The following ASCC3 variants were observed in gnomAD, a reference collection of about 807,000 sequenced individuals.
The protein encoded by ASCC3 is ASC-1 complex subunit P200.
ASCC3 carries 158 observed loss-of-function variants against 256.3 expected under a neutral mutation model. That is an observed-to-expected ratio of 0.62 (90% CI 0.54 to 0.70). The LOEUF is 0.70. ASCC3 is among the 30% of genes least tolerant of loss of function. ASCC3 has a pLI of 0.00. For synonymous variants in ASCC3, 948 were observed against 883.4 expected, an observed-to-expected ratio of 1.07 and a Z score of -1.30; for missense variants, 2,259 against 2,626.0, an observed-to-expected ratio of 0.86 and a Z score of 3.05.
chr6:100,856,903 C>G (rs1036669055), intron 3 of ASCC3: 1 of 152,018 alleles, frequency 6.6e-6, no homozygotes, highest in South Asian at 2.1e-4. Context: ...ATGAATGCAC[C>G]TATTTTTGAT....
intron 36 of ASCC3, among the ~76,000 whole-genome samples, chr6:100,587,622 GA>G (rs1771771290): frequency 6.6e-6 from 1 of 152,144 alleles, no homozygotes; most frequent in African/African-American, 2.4e-5. Flanking sequence ...TCTTGCTGTG[GA>G]AATTTTTATG....
intron 4 of ASCC3, among the ~76,000 whole-genome samples, chr6:100,840,202 C>T (rs1177098388): frequency 1.3e-5 from 2 of 152,148 alleles, no homozygotes; most frequent in African/African-American, 4.8e-5. Flanking sequence ...TAAAGACAGA[C>T]AAAAGATACA....
intron 36 of ASCC3, among the ~76,000 whole-genome samples, chr6:100,579,120 G>A (rs1051771598): frequency 1.3e-4 from 19 of 149,990 alleles, no homozygotes; most frequent in African/African-American, 3.7e-4. Flanking sequence ...TTGGTCACAC[G>A]TATATCTTCT....
intron 22 of ASCC3, 123 bp downstream of exon 22, chr6:100,646,492 A>T: frequency 9.2e-7 from 1 of 1,085,846 alleles, no homozygotes. Context: ...TATAATTTTT[A>T]AAATAAATCC....
intron 14 of ASCC3, among the ~76,000 whole-genome samples, chr6:100,674,849 C>T (rs951989660): frequency 6.6e-6 from 1 of 151,874 alleles, no homozygotes; most frequent in Non-Finnish European, 1.5e-5. Context: ...CCAGGCTGAT[C>T]TCAAACTCCT....
intron 8 of ASCC3, 92 bp from the exon 9 acceptor site, chr6:100,767,437 T>C (rs995978953): frequency 1.5e-6 from 2 of 1,361,438 alleles, no homozygotes; most frequent in Middle Eastern, 2.0e-4. Context: ...CCTTTGTTTT[T>C]TAAAAAAAAG....
At position 100,786,781 on chromosome 6, in the gene ASCC3, T is replaced by C. The variant is rs1028414401; in HGVS notation, c.1395+11932A>G. On this transcript the variant is annotated intron_variant, in intron 8 of 41. Coordinates refer to ENST00000369162, the MANE Select transcript of ASCC3 (RefSeq NM_006828.4). The stretch of plus-strand genomic sequence containing the variant: ...CTGTTTGTAATACCAATTAAATAAT[T>C]TTAGGCTACAACACTTTGAAACCGC... Among the ~76,000 whole-genome samples the C allele has an allele frequency of 3.9e-5, 6 of 152,212 alleles. No homozygotes were observed. The East Asian group carries it at 1.2e-3, about 29-fold the overall frequency.
chr6:100,727,571 T>C (rs1207059983), intron 10 of ASCC3, among the ~76,000 whole-genome samples: 1 of 151,948 alleles, frequency 6.6e-6, no homozygotes, highest in Non-Finnish European at 1.5e-5. Context: ...CAGGCAGCAA[T>C]TACAGGCAGA....
intron 36 of ASCC3, 51 bp from the exon 37 acceptor site, chr6:100,540,438 T>G (rs1228421169): frequency 7.0e-7 from 1 of 1,431,058 alleles, no homozygotes. Flanking sequence ...TAATAATTAA[T>G]GTACTTCTTA....
At chr6:100,646,520 T>C in intron 22 of ASCC3, 95 bp downstream of exon 22, 1 of 1,315,156 alleles carries the variant, frequency 7.6e-7, no homozygotes, top group Non-Finnish European at 1.1e-6. Context: ...ATATTCTTTT[T>C]AGAGGATTTT....
At chr6:100,764,128 A>G (rs1036159774) in intron 10 of ASCC3, among the ~76,000 whole-genome samples, 1 of 152,224 alleles carries the variant, frequency 6.6e-6, no homozygotes, top group Non-Finnish European at 1.5e-5. Context: ...TTGCATTAGC[A>G]TCAGTAACAT....
chr6:100,753,299 C>T (rs1294073688), intron 10 of ASCC3, among the ~76,000 whole-genome samples: 1 of 40,304 alleles, frequency 2.5e-5, no homozygotes, highest in East Asian at 7.7e-4. Context: ...CTAAAATATT[C>T]AATAGCAAAA....
intron 4 of ASCC3, among the ~76,000 whole-genome samples, chr6:100,830,501 A>G (rs1771570730): frequency 6.6e-6 from 1 of 152,220 alleles, no homozygotes; most frequent in African/African-American, 2.4e-5. Context: ...GGACAATAAA[A>G]GAAAAATCAC....
chr6:100,572,250 G>T (rs1009552054), intron 36 of ASCC3, among the ~76,000 whole-genome samples: 1 of 152,124 alleles, frequency 6.6e-6, no homozygotes, highest in Non-Finnish European at 1.5e-5. Context: ...AGACTCCAGA[G>T]AAATTTCTCA....
chr6:100,514,564 GTTA>G (rs1210592226), intron 39 of ASCC3, among the ~76,000 whole-genome samples: 9 of 151,558 alleles, frequency 5.9e-5, no homozygotes, highest in African/African-American at 2.2e-4. Context: ...AGGACTTAAT[GTTA>G]TTATTATTTT....
Position 100,638,619 on chromosome 6 carries a change from G to A in ASCC3, c.4104C>T (p.Asn1368=), listed in dbSNP as rs1331156279. ...AAELAIFRVF[N]KYPTSKAVYI... ...AACAGACCTTTGAAGTAGGGTATTT[G>A]TTGAAGACTCTGAAAATGGCTAATT... The change falls in exon 25 of 42, where the codon AAC becomes AAT. Residue 1368 remains asparagine (N), a synonymous_variant. Transcript: ENST00000369162. 10 of 1,612,440 alleles carry A rather than the reference G, an allele frequency of 6.2e-6. No individual in the cohort carries two copies. The highest frequency in any genetic ancestry group is 7.6e-6 in the Non-Finnish European group (9 of 1,178,512).
chr6:100,531,081 A>G, intron 37 of ASCC3: 1 of 1,302,846 alleles, frequency 7.7e-7, no homozygotes, highest in South Asian at 1.2e-5. Flanking sequence ...GAACGTACAT[A>G]GTCTGTACAA....
At chr6:100,676,762 TCACACACACA>T (rs75606780) in intron 14 of ASCC3, among the ~76,000 whole-genome samples, 10 of 150,628 alleles carry the variant, frequency 6.6e-5, no homozygotes, top group Admixed American at 2.0e-4. Flanking sequence ...ACACACACAC[TCACACACACA>T]CACACACACA....
At chr6:100,509,634 C>T (rs898727552) in intron 41 of ASCC3, 101 bp from the exon 42 acceptor site, 27 of 1,184,508 alleles carry the variant, frequency 2.3e-5, no homozygotes, top group East Asian at 1.5e-4. Context: ...GGTGCGGTGG[C>T]TCACGCCTGT....
Sources: gnomAD v4.1 joint callset for allele counts (sites outside exome capture counted in the v4.1 genomes callset) on GRCh38, gnomAD v4.1.1 for gene constraint, MANE v1.5 for transcripts, NCBI Gene and HGNC (gene_info 2026-07-23, HGNC 2026-07-21) for gene names.